The following MDGA2 variants were observed in gnomAD, a reference collection of about 807,000 sequenced individuals.
MDGA2 encodes the protein MAM domain containing glycosylphosphatidylinositol anchor 2, also known as MAM domain-containing glycosylphosphatidylinositol anchor protein 2.
Under a neutral mutation model 117.8 loss-of-function variants are expected in MDGA2, and 40 were observed. The observed-to-expected ratio is 0.34, with a 90% confidence interval of 0.26 to 0.44. MDGA2 has a LOEUF of 0.44. MDGA2 is among the 20% of genes least tolerant of loss of function. MDGA2 has a pLI of 1.00. For missense variants in MDGA2, 1,123 were observed against 1,250.6 expected (o/e 0.90, Z 1.54); for synonymous variants, 452 against 439.0 (o/e 1.03, Z -0.37).
intron 6 of MDGA2, among the ~76,000 whole-genome samples, chr14:47,073,094 G>T (rs1186911493): frequency 2.0e-5 from 3 of 152,088 alleles, no homozygotes; most frequent in Non-Finnish European, 4.4e-5. Context: ...TAAAAATGTT[G>T]AGGGCTCAAT....
At chr14:47,376,713 C>T (rs1891487170) in intron 1 of MDGA2, among the ~76,000 whole-genome samples, 1 of 152,122 alleles carries the variant, frequency 6.6e-6, no homozygotes, top group South Asian at 2.1e-4. Context: ...TCATAGGTAT[C>T]ATGCCATTTC....
At chr14:47,376,917 C>T (rs546851078) in intron 1 of MDGA2, among the ~76,000 whole-genome samples, 1 of 152,058 alleles carries the variant, frequency 6.6e-6, no homozygotes, top group African/African-American at 2.4e-5. Flanking sequence ...GATTGACATG[C>T]TATCTACTCC....
chr14:47,183,686 C>A (rs1884798338), intron 3 of MDGA2, among the ~76,000 whole-genome samples: 1 of 152,048 alleles, frequency 6.6e-6, no homozygotes, highest in African/African-American at 2.4e-5. Context: ...AACATACACA[C>A]AAACACATAC....
At chr14:46,984,263 C>T (rs998444183) in intron 8 of MDGA2, among the ~76,000 whole-genome samples, 1 of 151,962 alleles carries the variant, frequency 6.6e-6, no homozygotes, top group African/African-American at 2.4e-5. Flanking sequence ...TGCTTCACTT[C>T]CTCTTCCTTA....
chr14:46,868,372 G>A (rs892661846), intron 14 of MDGA2, among the ~76,000 whole-genome samples: 1 of 151,816 alleles, frequency 6.6e-6, no homozygotes, highest in Non-Finnish European at 1.5e-5. Context: ...TACATGCAGG[G>A]CAGGGTGTCA....
chr14:47,650,629 C>T (rs1897622238), intron 1 of MDGA2, among the ~76,000 whole-genome samples: 2 of 152,142 alleles, frequency 1.3e-5, no homozygotes, highest in Admixed American at 1.3e-4. Flanking sequence ...TCCCAACTTG[C>T]ACCCTGGGCT....
chr14:47,177,960 C>T (rs1167838829), intron 3 of MDGA2, among the ~76,000 whole-genome samples: 2 of 151,986 alleles, frequency 1.3e-5, no homozygotes, highest in African/African-American at 4.8e-5. Context: ...GGATTAACTG[C>T]AAATATATAT....
At chr14:47,373,827 T>C (rs376898059) in intron 1 of MDGA2, among the ~76,000 whole-genome samples, 1 of 152,170 alleles carries the variant, frequency 6.6e-6, no homozygotes, top group South Asian at 2.1e-4. Flanking sequence ...GGCATAAGAA[T>C]AATACTCGAT....
chr14:47,630,364 G>A (rs945455290), intron 1 of MDGA2, among the ~76,000 whole-genome samples: 2 of 152,166 alleles, frequency 1.3e-5, no homozygotes, highest in Non-Finnish European at 2.9e-5. Flanking sequence ...TATGTATGTA[G>A]TATGTGTCTA....
intron 1 of MDGA2, among the ~76,000 whole-genome samples, chr14:47,370,380 A>C (rs1409132389): frequency 1.3e-5 from 2 of 150,230 alleles, no homozygotes; most frequent in African/African-American, 4.9e-5. Context: ...GATTTAACAT[A>C]GGTTACAAAA....
chr14:47,408,820 T>C (rs1439198286), intron 1 of MDGA2, among the ~76,000 whole-genome samples: 1 of 152,162 alleles, frequency 6.6e-6, no homozygotes, highest in East Asian at 1.9e-4. Context: ...TTGAGGAGAC[T>C]GGGCAGATAG....
intron 8 of MDGA2, among the ~76,000 whole-genome samples, chr14:47,007,774 T>C (rs1384231637): frequency 6.6e-6 from 1 of 151,870 alleles, no homozygotes; most frequent in Non-Finnish European, 1.5e-5. Flanking sequence ...ATCTGTTTAC[T>C]GATATAAATG....
At chr14:47,549,113 C>T (rs1895525589) in intron 1 of MDGA2, among the ~76,000 whole-genome samples, 1 of 152,100 alleles carries the variant, frequency 6.6e-6, no homozygotes, top group Admixed American at 6.6e-5. Context: ...TCTGTTGTCT[C>T]TCACCAATGG....
intron 1 of MDGA2, among the ~76,000 whole-genome samples, chr14:47,394,890 T>A (rs982921802): frequency 1.3e-5 from 2 of 152,124 alleles, no homozygotes; most frequent in African/African-American, 4.8e-5. Flanking sequence ...TGGTGACTCA[T>A]CCCTGTAATC....
chr14:46,892,419 A>T (rs1002020483), intron 10 of MDGA2, among the ~76,000 whole-genome samples: 8 of 151,958 alleles, frequency 5.3e-5, no homozygotes, highest in African/African-American at 1.9e-4. Flanking sequence ...AGAAAAAGGG[A>T]TGGAAGCCCC....
In MDGA2 at chr14:47,234,194, TATAA is replaced by T. The variant is rs1238638407; in HGVS notation, c.421-16003_421-16000del. 4.2e-4 allele frequency among the ~76,000 whole-genome samples: 63 copies of T among 151,070 alleles called. 1 individual carries two copies. The highest frequency in any genetic ancestry group is 1.4e-3 in the African/African-American group (58 of 41,378). ...ATAATATATGTGTGTGCATATATGC[TATAA>T]ATACTTATATCATTAAATTATAAAT... On this transcript the variant is annotated intron_variant, in intron 2 of 16. Coordinates refer to ENST00000399232, the MANE Select transcript of MDGA2 (RefSeq NM_001113498.3).
intron 1 of MDGA2, among the ~76,000 whole-genome samples, chr14:47,634,064 G>C (rs1897283243): frequency 1.3e-5 from 2 of 152,016 alleles, no homozygotes; most frequent in South Asian, 4.1e-4. Flanking sequence ...TCTTTTGGGA[G>C]GTAATTTGGA....
At chr14:47,122,486 C>A (rs1881703109) in intron 5 of MDGA2, among the ~76,000 whole-genome samples, 2 of 151,932 alleles carry the variant, frequency 1.3e-5, no homozygotes, top group Admixed American at 6.6e-5. Flanking sequence ...GGTTGCCCTG[C>A]CTAAAGATGA....
intron 1 of MDGA2, among the ~76,000 whole-genome samples, chr14:47,468,919 G>T: frequency 6.6e-6 from 1 of 151,744 alleles, no homozygotes; most frequent in Non-Finnish European, 1.5e-5. Context: ...CCATACTGAG[G>T]GCTGAAAATT....
Sources: gnomAD v4.1 joint callset for allele counts (sites outside exome capture counted in the v4.1 genomes callset) on GRCh38, gnomAD v4.1.1 for gene constraint, MANE v1.5 for transcripts, NCBI Gene and HGNC (gene_info 2026-07-23, HGNC 2026-07-21) for gene names.